Variants in NEXN observed in about 807,000 individuals in gnomAD.
The protein encoded by NEXN is nexilin F-actin binding protein, also known as nexilin.
In NEXN, 65 loss-of-function variants were observed where a neutral mutation model predicts 92.6. That is an observed-to-expected ratio of 0.70 (90% CI 0.57 to 0.86). The LOEUF is 0.86. Ranked by LOEUF, NEXN falls within the 40% of genes least tolerant of loss-of-function variation. The pLI is 0.00. For missense variants in NEXN, 778 were observed against 771.1 expected, an observed-to-expected ratio of 1.01 and a Z score of -0.11; for synonymous variants, 254 against 242.5, an observed-to-expected ratio of 1.05 and a Z score of -0.44.
chr1:77,934,905 T>C (rs1179280937), intron 10 of NEXN, among the ~76,000 whole-genome samples: 3 of 152,232 alleles, frequency 2.0e-5, no homozygotes, highest in Admixed American at 6.5e-5. Flanking sequence ...AAGAGTGATG[T>C]TTACTTTGTA....
chr1:77,940,715 A>C (rs552084083), intron 11 of NEXN, among the ~76,000 whole-genome samples: 1 of 152,316 alleles, frequency 6.6e-6, no homozygotes, highest in South Asian at 2.1e-4. Context: ...TCCTTTTTAA[A>C]TTTAAGTCTC....
At chr1:77,908,268 G>A (rs1228076058) in intron 1 of NEXN, among the ~76,000 whole-genome samples, 1 of 151,876 alleles carries the variant, frequency 6.6e-6, no homozygotes, top group Non-Finnish European at 1.5e-5. Flanking sequence ...GTAGAGATGA[G>A]TCTCGCTATG....
intron 1 of NEXN, among the ~76,000 whole-genome samples, chr1:77,892,920 G>A (rs917001759): frequency 6.7e-6 from 1 of 149,908 alleles, no homozygotes; most frequent in African/African-American, 2.5e-5. Flanking sequence ...AGGCTAGAGT[G>A]CAGTGGCATG....
intron 5 of NEXN, among the ~76,000 whole-genome samples, chr1:77,923,384 AG>A (rs1422874221): frequency 3.9e-5 from 6 of 152,130 alleles, no homozygotes; most frequent in Admixed American, 3.3e-4. Flanking sequence ...CCTAGTTCCT[AG>A]TATGAAGCAG....
At chr1:77,899,467 A>G (rs548150599) in intron 1 of NEXN, among the ~76,000 whole-genome samples, 142 of 152,246 alleles carry the variant, frequency 9.3e-4, no homozygotes, top group African/African-American at 3.2e-3. Flanking sequence ...ATGAGAACAC[A>G]TGGACACAGA....
chr1:77,920,134 C>G (rs1649307330), intron 5 of NEXN, among the ~76,000 whole-genome samples: 1 of 152,086 alleles, frequency 6.6e-6, no homozygotes, highest in Non-Finnish European at 1.5e-5. Flanking sequence ...CTTCTGATCT[C>G]AGATGATCTG....
chr1:77,933,178 A>T, intron 9 of NEXN, 104 bp from the exon 10 acceptor site: 1 of 824,854 alleles, frequency 1.2e-6, no homozygotes, highest in Non-Finnish European at 1.9e-6. Context: ...CAAAAACAAA[A>T]ACTAAAAACA....
chr1:77,936,240 CA>C (rs1650755395), intron 11 of NEXN, among the ~76,000 whole-genome samples, 196 bp downstream of exon 11: 2 of 152,186 alleles, frequency 1.3e-5, no homozygotes, highest in African/African-American at 4.8e-5. Context: ...TCACCTTTAT[CA>C]GTGTTAAAAC....
At position 77,935,805 on chromosome 1, in the gene NEXN, T is replaced by G; in HGVS notation, c.1252-18T>G. 1.2e-6 allele frequency: 2 copies of G among 1,603,446 alleles called. No homozygotes were observed. Among genetic ancestry groups the G allele is most frequent in the Non-Finnish European group, 1.7e-6 (2 of 1,172,852 alleles). On this transcript the variant is annotated intron_variant, in intron 10 of 12. Coordinates refer to ENST00000334785, the MANE Select transcript of NEXN (RefSeq NM_144573.4). ...CTCTCAAAAACAGCAGCAACAAACTTATTAATTTTTTTTGAAGGAAGAGGA... is the reference window on the plus strand; with the variant it reads ...CTCTCAAAAACAGCAGCAACAAACTGATTAATTTTTTTTGAAGGAAGAGGA...
intron 1 of NEXN, among the ~76,000 whole-genome samples, chr1:77,891,829 G>C (rs550455649): frequency 1.3e-5 from 2 of 150,650 alleles, no homozygotes; most frequent in South Asian, 4.2e-4. Flanking sequence ...TGTAATCCAA[G>C]CACTTTGGGA....
chr1:77,889,764 A>G (rs966228099), intron 1 of NEXN, among the ~76,000 whole-genome samples: 4 of 152,244 alleles, frequency 2.6e-5, no homozygotes. Context: ...TAATAAAGAA[A>G]TTAGTTCCCT....
intron 6 of NEXN, 100 bp downstream of exon 6, chr1:77,925,329 T>G: frequency 1.2e-6 from 1 of 841,970 alleles, no homozygotes; most frequent in Non-Finnish European, 1.9e-6. Context: ...TTTATTATTT[T>G]TATTATAAAT....
chr1:77,897,420 T>C (rs1370555076), intron 1 of NEXN, among the ~76,000 whole-genome samples: 7 of 151,782 alleles, frequency 4.6e-5, no homozygotes, highest in Non-Finnish European at 7.4e-5. Flanking sequence ...ACATGATTAT[T>C]TCAATAGATG....
At chr1:77,918,563 G>A (rs190527458) in intron 5 of NEXN, among the ~76,000 whole-genome samples, 25 of 151,994 alleles carry the variant, frequency 1.6e-4, no homozygotes, top group Non-Finnish European at 4.4e-5. Flanking sequence ...CTATTCAGAA[G>A]GCTGAGGTAG....
At chr1:77,941,746 C>A in intron 11 of NEXN, 1 of 443,448 alleles carries the variant, frequency 2.3e-6, no homozygotes, top group Non-Finnish European at 4.1e-6. Flanking sequence ...GCTATCAAAA[C>A]CAAGCAGAGT....
chr1:77,903,522 G>A (rs998849806), intron 1 of NEXN, among the ~76,000 whole-genome samples: 5 of 152,098 alleles, frequency 3.3e-5, no homozygotes, highest in African/African-American at 1.2e-4. Flanking sequence ...GAATTTTATA[G>A]CTTCTCATTT....
rs779240808 is a variant in NEXN at position 77,942,656 on chromosome 1, G to A, written c.1855G>A (p.Gly619Arg). ...PKPEITWWFE[G>R]EILQDGEDYQ... ...ACCAGAAATTACATGGTGGTTTGAA[G>A]GAGAAATACTGCAGGATGGAGAAGA... The change falls in exon 13 of 13, where the codon GGA becomes AGA. Residue 619 changes from glycine (G) to arginine (R), a missense_variant. Physicochemically the swap from Gly to Arg is moderately radical, Grantham distance 125. Coordinates refer to ENST00000334785, the MANE Select transcript of NEXN (RefSeq NM_144573.4). 1.9e-6 allele frequency: 3 copies of A among 1,613,774 alleles called. No homozygotes were observed. The South Asian group carries it at 3.3e-5, about 18-fold the overall frequency.
intron 1 of NEXN, among the ~76,000 whole-genome samples, chr1:77,904,235 C>A (rs374333040): frequency 6.6e-6 from 1 of 152,046 alleles, no homozygotes; most frequent in Admixed American, 6.6e-5. Context: ...TCAAGTGATC[C>A]GCCCGCCTTA....
At chr1:77,897,342 A>G (rs1647316206) in intron 1 of NEXN, among the ~76,000 whole-genome samples, 1 of 152,244 alleles carries the variant, frequency 6.6e-6, no homozygotes, top group Non-Finnish European at 1.5e-5. Flanking sequence ...CTGGGATGTG[A>G]GGCTGGTTCA....
Sources: gnomAD v4.1 joint callset for allele counts (sites outside exome capture counted in the v4.1 genomes callset) on GRCh38, gnomAD v4.1.1 for gene constraint, MANE v1.5 for transcripts, NCBI Gene and HGNC (gene_info 2026-07-23, HGNC 2026-07-21) for gene names.